Variants in HMGB1 observed in about 807,000 individuals in gnomAD.
HMGB1 encodes the protein high mobility group box 1.
For missense variants in HMGB1, 79 were observed against 253.5 expected (o/e 0.31, Z 4.67); for synonymous variants, 81 against 84.0 (o/e 0.96, Z 0.19).
intron 1 of HMGB1, chr13:30,540,064 G>C (rs1430622902): frequency 1.3e-5 from 2 of 154,018 alleles, no homozygotes; most frequent in African/African-American, 4.8e-5. Context: ...TCTCTGATCT[G>C]TTTCACCCAG....
At chr13:30,597,408 A>G (rs1021229799) in intron 1 of HMGB1, among the ~76,000 whole-genome samples, 1 of 152,220 alleles carries the variant, frequency 6.6e-6, no homozygotes, top group Non-Finnish European at 1.5e-5. Context: ...CACCATGTCA[A>G]TACATCATTT....
chr13:30,613,555 AGT>A (rs1308805060), intron 1 of HMGB1, among the ~76,000 whole-genome samples: 2 of 152,168 alleles, frequency 1.3e-5, no homozygotes, highest in Non-Finnish European at 2.9e-5. Flanking sequence ...GCATGATTTT[AGT>A]GTTTAAAGAT....
chr13:30,463,711 A>T lies in HMGB1; in HGVS notation c.-14-17T>A, dbSNP rs370567500. 8 of 1,478,414 alleles carry T rather than the reference A, an allele frequency of 5.4e-6. No homozygotes were observed. The highest frequency in any genetic ancestry group is 7.3e-6 in the Non-Finnish European group (8 of 1,093,728). 91.6% of individuals were successfully genotyped at this position (1,478,414 alleles called of 1,614,324 possible). ...GTTATTTTTCTAAAAAATAAAATAA[A>T]TATTTGATGTTAGCAATAAAATTAT... On this transcript the variant is annotated splice_polypyrimidine_tract_variant and intron_variant, in intron 1 of 4. Transcript: ENST00000341423.
At chr13:30,553,171 T>C (rs1171179516) in intron 1 of HMGB1, among the ~76,000 whole-genome samples, 2 of 152,210 alleles carry the variant, frequency 1.3e-5, no homozygotes, top group South Asian at 2.1e-4. Flanking sequence ...TTCATAATGG[T>C]TGCCAATTTG....
chr13:30,500,536 ATTTTTTT>A (rs60691018), intron 1 of HMGB1, among the ~76,000 whole-genome samples: 6,531 of 128,272 alleles, frequency 0.051, 191 homozygotes, highest in Non-Finnish European at 0.067. Flanking sequence ...CACCTGGCTA[ATTTTTTT>A]TTTTTTTTTT....
At chr13:30,598,416 A>C (rs1871711307) in intron 1 of HMGB1, among the ~76,000 whole-genome samples, 1 of 152,254 alleles carries the variant, frequency 6.6e-6, no homozygotes, top group Non-Finnish European at 1.5e-5. Flanking sequence ...ACTAAAGGAA[A>C]TGTTTTATGT....
intron 1 of HMGB1, among the ~76,000 whole-genome samples, chr13:30,491,804 A>G (rs1319119320): frequency 6.6e-6 from 1 of 152,256 alleles, no homozygotes; most frequent in Admixed American, 6.5e-5. Context: ...CTTAGGACAA[A>G]AAAAGCAAAC....
At chr13:30,519,977 A>G (rs1327275698) in intron 1 of HMGB1, among the ~76,000 whole-genome samples, 1 of 152,208 alleles carries the variant, frequency 6.6e-6, no homozygotes, top group Non-Finnish European at 1.5e-5. Context: ...ACTCTTTTGC[A>G]TACATAAAAA....
intron 1 of HMGB1, among the ~76,000 whole-genome samples, chr13:30,498,532 T>A (rs549954761): frequency 2.3e-4 from 35 of 152,014 alleles, no homozygotes; most frequent in Non-Finnish European, 4.1e-4. Context: ...TCTATCCCTT[T>A]ATGCCCCCCA....
chr13:30,612,736 GTTTC>G (rs778291757), intron 1 of HMGB1, among the ~76,000 whole-genome samples: 38 of 152,196 alleles, frequency 2.5e-4, no homozygotes, highest in African/African-American at 8.2e-4. Context: ...AGGAAAGAGT[GTTTC>G]TTTATCTGCA....
chr13:30,586,479 GTTTT>G (rs11315470), intron 1 of HMGB1, among the ~76,000 whole-genome samples: 9 of 105,092 alleles, frequency 8.6e-5, no homozygotes, highest in South Asian at 3.4e-4. Flanking sequence ...GGTTTTTTTT[GTTTT>G]TTTTTTTTTT....
intron 1 of HMGB1, among the ~76,000 whole-genome samples, chr13:30,605,777 CAT>C (rs1431976208): frequency 2.6e-5 from 4 of 151,972 alleles, no homozygotes; most frequent in African/African-American, 9.7e-5. Flanking sequence ...CATATGCAAA[CAT>C]ATAAAAAAGC....
rs116047294 is a variant in HMGB1 at position 30,532,849 on chromosome 13, C to T, written c.-14-69155G>A. ...ATGTTTGGTTTTATAAGACTGCAAT[C>T]AACCATCCATGCATGTGAATCTGTG... On this transcript the variant is annotated intron_variant, in intron 1 of 4. Transcript: ENST00000405805. 4.8e-3 allele frequency among the ~76,000 whole-genome samples: 734 copies of T among 152,272 alleles called. 6 individuals are homozygous for T. The highest frequency in any genetic ancestry group is 0.017 in the African/African-American group (688 of 41,548).
chr13:30,606,896 CAAAT>C (rs1950463943), intron 1 of HMGB1, among the ~76,000 whole-genome samples: 1 of 152,322 alleles, frequency 6.6e-6, no homozygotes, highest in Non-Finnish European at 1.5e-5. Context: ...CTATAGAAGA[CAAAT>C]GAATTCTGCA....
At chr13:30,548,717 T>C (rs1869283057) in intron 1 of HMGB1, among the ~76,000 whole-genome samples, 1 of 152,202 alleles carries the variant, frequency 6.6e-6, no homozygotes, top group Non-Finnish European at 1.5e-5. Flanking sequence ...GAACCTACAG[T>C]TTCTGCCTTG....
At chr13:30,616,745 A>G (rs1166993786) in exon 1 of HMGB1, 1 of 152,202 alleles carries the variant, frequency 6.6e-6, no homozygotes, top group East Asian at 1.9e-4. Flanking sequence ...AGTACCAAAA[A>G]CTAAAATCCT....
intron 1 of HMGB1, among the ~76,000 whole-genome samples, chr13:30,613,716 C>T (rs1265943071): frequency 6.6e-6 from 1 of 152,096 alleles, no homozygotes; most frequent in Admixed American, 6.5e-5. Context: ...ATCTCATATG[C>T]TTACTTTAGA....
chr13:30,563,650 C>A (rs992288081), intron 1 of HMGB1, among the ~76,000 whole-genome samples: 2 of 152,196 alleles, frequency 1.3e-5, no homozygotes, highest in East Asian at 3.9e-4. Flanking sequence ...AAGCCCATTT[C>A]TTTCTTTTGG....
intron 1 of HMGB1, among the ~76,000 whole-genome samples, chr13:30,492,002 A>T (rs1887505780): frequency 6.6e-6 from 1 of 152,100 alleles, no homozygotes; most frequent in African/African-American, 2.4e-5. Flanking sequence ...CCCCATTTCT[A>T]CTAAACATAC....
Sources: allele counts gnomAD v4.1 joint callset (sites outside exome capture counted in the v4.1 genomes callset), GRCh38; gene constraint gnomAD v4.1.1; transcripts MANE v1.5; gene names NCBI Gene and HGNC (gene_info 2026-07-23, HGNC 2026-07-21).